Variants in KCNQ1 observed in about 807,000 individuals in gnomAD.
KCNQ1 encodes the protein potassium voltage-gated channel subfamily Q member 1, also known as potassium voltage-gated channel subfamily KQT member 1.
In KCNQ1, 49 loss-of-function variants were observed where a neutral mutation model predicts 72.4. The ratio of observed to expected loss-of-function variants is 0.68; its 90% CI spans 0.54 to 0.86. The LOEUF is 0.86. Among genes scored for constraint, KCNQ1 ranks in the 40% least tolerant of loss-of-function variants. The pLI is 0.00. For synonymous variants in KCNQ1, 450 were observed against 412.6 expected, an observed-to-expected ratio of 1.09 and a Z score of -1.10; for missense variants, 790 against 945.1, an observed-to-expected ratio of 0.84 and a Z score of 2.15.
rs1329559690 is a variant in KCNQ1, at chr11:2,698,360, G to C, written c.1514+36279G>C. 1 of 398,430 alleles carries C rather than the reference G, an allele frequency of 2.5e-6. No individual in the cohort carries two copies. The highest frequency in any genetic ancestry group is 2.1e-5 in the African/African-American group (1 of 48,600). 24.7% of individuals were successfully genotyped at this position (398,430 alleles called of 1,614,324 possible). A position where few individuals can be genotyped will look rare whatever the true frequency, so the allele number is the denominator to read the frequency against. Reference sequence around the variant, plus strand: ...TCTTACTCTCAATTTTATATAAAAGGCTATTTGACCTGCTCAGGGACCACA... The same window carrying C: ...TCTTACTCTCAATTTTATATAAAAGCCTATTTGACCTGCTCAGGGACCACA... On this transcript the variant is annotated intron_variant, in intron 11 of 15. Coordinates refer to ENST00000155840, the MANE Select transcript of KCNQ1 (RefSeq NM_000218.3). The surrounding 1 kb of genome is among the most constrained non-coding windows in gnomAD (Gnocchi z 5.1).
chr11:2,470,566 G>C (rs1846431400), intron 1 of KCNQ1, among the ~76,000 whole-genome samples: 1 of 152,164 alleles, frequency 6.6e-6, no homozygotes, highest in South Asian at 2.1e-4. Flanking sequence ...CAGCCCTTTG[G>C]GAAGAAAACC....
Position 2,515,361 on chromosome 11 carries a change from ACTT to A in KCNQ1, c.387-12563_387-12561del, listed in dbSNP as rs545436382. ...TGCTGCAAAGGACATGATTTCATTC[ACTT>A]CTTGGAGGCTTTAACGCCTGCCCTG... On this transcript the variant is annotated intron_variant, in intron 1 of 15. Transcript: ENST00000155840. The surrounding 1 kb of genome is among the most constrained non-coding windows in gnomAD (Gnocchi z 4.7). Among the ~76,000 whole-genome samples the A allele has an allele frequency of 2.3e-3, 348 of 152,204 alleles. 1 individual carries two copies. The highest frequency in any genetic ancestry group is 7.8e-3 in the African/African-American group (325 of 41,530).
chr11:2,820,754 G>A (rs9667729), intron 15 of KCNQ1, among the ~76,000 whole-genome samples: 287 of 152,334 alleles, frequency 1.9e-3, no homozygotes, highest in African/African-American at 6.6e-3. Context: ...TACGTCTGGG[G>A]AAATGGTCTC....
intron 1 of KCNQ1, among the ~76,000 whole-genome samples, chr11:2,518,724 G>A (rs1031989544): frequency 2.6e-5 from 4 of 152,128 alleles, no homozygotes; most frequent in East Asian, 1.9e-4. Context: ...CTTACCCACC[G>A]GCCACACCAA....
In KCNQ1 at chr11:2,766,599, TCA is replaced by T. The variant is rs1434178527; in HGVS notation, c.1515-2242_1515-2241del. On this transcript the variant is annotated intron_variant, in intron 11 of 15. Coordinates refer to ENST00000155840, the MANE Select transcript of KCNQ1 (RefSeq NM_000218.3). This position sits in a 1 kb window ranked among gnomAD's most constrained non-coding sequence, Gnocchi z 4.4. ...ATGGATTGTGCCCATCTTTAATTAA[TCA>T]CAGTCTGCCCTCTGGCCATAACTTT... Among the ~76,000 whole-genome samples, 3 of 152,160 alleles carry T rather than the reference TCA, an allele frequency of 2.0e-5. No individual in the cohort carries two copies. The highest frequency in any genetic ancestry group is 7.2e-5 in the African/African-American group (3 of 41,428).
rs1165434263 is a variant in KCNQ1, at chr11:2,734,267, G to A, written c.1515-34577G>A. 1.3e-5 allele frequency among the ~76,000 whole-genome samples: 2 copies of A among 152,254 alleles called. No individual in the cohort carries two copies. Among genetic ancestry groups the A allele is most frequent in the African/African-American group, 4.8e-5 (2 of 41,464 alleles). ...AGGTCCTAAGAGGCCTCAGGCCGGA[G>A]CCCAGCTGCAGAGCAGGGCAGGGGT... On this transcript the variant is annotated intron_variant, in intron 11 of 15. Transcript: ENST00000155840. The surrounding 1 kb of genome is among the most constrained non-coding windows in gnomAD (Gnocchi z 7.0).
intron 10 of KCNQ1, chr11:2,641,185 G>A (rs1362373431): frequency 2.5e-6 from 1 of 398,332 alleles, no homozygotes; most frequent in Non-Finnish European, 4.4e-6. Context: ...TAAATATCCA[G>A]TAGTGAGATT....
At chr11:2,773,429 T>A in intron 12 of KCNQ1, among the ~76,000 whole-genome samples, 1 of 151,300 alleles carries the variant, frequency 6.6e-6, no homozygotes, top group Non-Finnish European at 1.5e-5. Context: ...CGGCATCCCA[T>A]CTTATAGAAG....
chr11:2,575,589 C>T (rs892282948), intron 6 of KCNQ1, among the ~76,000 whole-genome samples: 1 of 152,258 alleles, frequency 6.6e-6, no homozygotes, highest in African/African-American at 2.4e-5. Context: ...TTTCTTTCAG[C>T]TCCTTTGTCC....
rs975085670 is a variant in KCNQ1 at position 2,566,677 on chromosome 11, A to G, written c.478-3951A>G. ...CTGTTTGTGGTCTCAGTGGAGACCA[A>G]GGACGGCTCTTCTTCTCGTATCTAC... On this transcript the variant is annotated intron_variant, in intron 2 of 15. Transcript: ENST00000155840. The surrounding 1 kb of genome is among the most constrained non-coding windows in gnomAD (Gnocchi z 6.7). Among the ~76,000 whole-genome samples the G allele has an allele frequency of 1.6e-4, 24 of 152,042 alleles. No individual in the cohort carries two copies. Among genetic ancestry groups the G allele is most frequent in the African/African-American group, 5.6e-4 (23 of 41,374 alleles).
intron 11 of KCNQ1, chr11:2,688,291 TGAA>T (rs1482170395): frequency 2.5e-6 from 1 of 398,580 alleles, no homozygotes; most frequent in Non-Finnish European, 4.4e-6. Flanking sequence ...ACAAGGAAAA[TGAA>T]GACTCTGGAA....
Position 2,651,677 on chromosome 11 carries a change from G to A in KCNQ1, c.1394-10284G>A, listed in dbSNP as rs1039735630. ...ACAGCTCACTGACATTAGCCACGTG[G>A]CCCTCTGTTTCCTGTAATAGGCCAT... On this transcript the variant is annotated intron_variant, in intron 10 of 15. Transcript: ENST00000155840. This position sits in a 1 kb window ranked among gnomAD's most constrained non-coding sequence, Gnocchi z 6.1. 1.3e-5 allele frequency: 5 copies of A among 398,626 alleles called. No homozygotes were observed. The highest frequency in any genetic ancestry group is 2.2e-5 in the Non-Finnish European group (5 of 226,076). The allele number at this position is 398,626 out of a possible 1,614,324, so 24.7% of individuals were successfully genotyped here.
At chr11:2,728,673 G>C (rs868784278) in intron 11 of KCNQ1, among the ~76,000 whole-genome samples, 35 of 152,318 alleles carry the variant, frequency 2.3e-4, no homozygotes, top group Admixed American at 6.5e-4. Flanking sequence ...GTGGCCAGTT[G>C]GGCATGGGGT....
chr11:2,574,413 G>A (rs976356288), intron 6 of KCNQ1, among the ~76,000 whole-genome samples: 2 of 151,874 alleles, frequency 1.3e-5, no homozygotes, highest in African/African-American at 4.8e-5. Flanking sequence ...GGAGGAGGCC[G>A]TCGAAGCCCA....
intron 15 of KCNQ1, among the ~76,000 whole-genome samples, chr11:2,799,017 G>A (rs181227981): frequency 9.9e-5 from 15 of 152,264 alleles, no homozygotes; most frequent in East Asian, 1.9e-4. Context: ...GTGGTCAGGC[G>A]GCACTTACCT....
At chr11:2,570,811 C>A (rs1848323042) in intron 3 of KCNQ1, 57 bp downstream of exon 3, 1 of 1,600,940 alleles carries the variant, frequency 6.2e-7, no homozygotes, top group Admixed American at 1.7e-5. Context: ...AGGAAGGACC[C>A]CCACCTCATG....
In KCNQ1 at chr11:2,578,788, G is replaced by T. The variant is rs528774369; in HGVS notation, c.922-4647G>T. Among the ~76,000 whole-genome samples, 8 of 152,386 alleles carry T rather than the reference G, an allele frequency of 5.2e-5. No homozygotes were observed. The East Asian group carries it at 1.4e-3, about 26-fold the overall frequency. On this transcript the variant is annotated intron_variant, in intron 6 of 15. Transcript: ENST00000155840. ...GGGCTCTCGAGGCTGGGCAAGGTCG[G>T]GGCCTGCAATGGCTGAAGCAGCCTC...
chr11:2,557,173 C>T (rs1198395678), intron 2 of KCNQ1, among the ~76,000 whole-genome samples: 1 of 152,140 alleles, frequency 6.6e-6, no homozygotes, highest in African/African-American at 2.4e-5. Context: ...AGAGAAAAAA[C>T]AGGGAGATCA....
chr11:2,493,496 A>G lies in KCNQ1; in HGVS notation c.387-34432A>G, dbSNP rs889074529. 1.3e-5 allele frequency among the ~76,000 whole-genome samples: 2 copies of G among 152,204 alleles called. No individual in the cohort carries two copies. Among genetic ancestry groups the G allele is most frequent in the African/African-American group, 4.8e-5 (2 of 41,454 alleles). On this transcript the variant is annotated intron_variant, in intron 1 of 15. Transcript: ENST00000155840. This position sits in a 1 kb window ranked among gnomAD's most constrained non-coding sequence, Gnocchi z 5.3. ...TCCGTGGTTTTAGGTTTTACATTTA[A>G]GTCTTTAATCATCTTGAGTTAATTT...
Sources: allele counts gnomAD v4.1 joint callset (sites outside exome capture counted in the v4.1 genomes callset), GRCh38; gene constraint gnomAD v4.1.1; non-coding constraint Gnocchi (gnomAD v3.1); transcripts MANE v1.5; gene names NCBI Gene and HGNC (gene_info 2026-07-23, HGNC 2026-07-21).